The following ASCC3 variants were observed in gnomAD, a reference collection of about 807,000 sequenced individuals.
ASCC3 encodes ASC-1 complex subunit P200.
A neutral mutation model predicts 256.3 loss-of-function variants in ASCC3; 158 were observed. That is an observed-to-expected ratio of 0.62 (90% CI 0.54 to 0.70). ASCC3 has a LOEUF of 0.70. Among genes scored for constraint, ASCC3 ranks in the 30% least tolerant of loss-of-function variants. The pLI, the probability that ASCC3 is intolerant of heterozygous loss-of-function variation, is 0.00. For synonymous variants in ASCC3, 948 were observed against 883.4 expected (o/e 1.07, Z -1.30); for missense variants, 2,259 against 2,626.0 (o/e 0.86, Z 3.05).
chr6:100,877,122 A>G (rs1403654283), intron 1 of ASCC3, among the ~76,000 whole-genome samples: 4 of 152,202 alleles, frequency 2.6e-5, no homozygotes, highest in Non-Finnish European at 5.9e-5. Flanking sequence ...AAAGATAGTT[A>G]CTGTATTTTT....
At position 100,796,359 on chromosome 6, in the gene ASCC3, T is replaced by C. The variant is rs1769613655; in HGVS notation, c.1395+2354A>G. 2.0e-5 allele frequency among the ~76,000 whole-genome samples: 3 copies of C among 152,112 alleles called. No homozygotes were observed. In the South Asian group the frequency reaches 6.2e-4, roughly 31 times the overall value. Reference sequence around the variant, plus strand: ...ATTCCTGGACATTTATTAAACAGAATGAAAACTTATATTCACACAAAAATC... The same window carrying C: ...ATTCCTGGACATTTATTAAACAGAACGAAAACTTATATTCACACAAAAATC... On this transcript the variant is annotated intron_variant, in intron 8 of 41. Transcript: ENST00000369162.
At chr6:100,834,454 T>A (rs1292954904) in intron 4 of ASCC3, among the ~76,000 whole-genome samples, 2 of 152,152 alleles carry the variant, frequency 1.3e-5, no homozygotes, top group African/African-American at 4.8e-5. Flanking sequence ...ATTTAAAAAC[T>A]GGAAAACTGT....
chr6:100,798,779 A>C lies in ASCC3; in HGVS notation c.1329T>G (p.Ile443Met). ...TGAGTGGCATTGGTTCGCTGTAGGG[A>C]ATCCTTACTTCTTCATAAAGCTTGT... The part of the protein sequence containing the change: ...ENNKLYEEVR[I>M]PYSEPMPLSF... Residue 443 changes from isoleucine to methionine, a missense_variant, in exon 8 of 42, where the codon ATT (isoleucine) becomes ATG (methionine). Around this residue, in one of 2 missense-constraint regions of ASCC3, gnomAD observed 1,839 missense variants for 2,206.7 expected, o/e 0.83. Transcript: ENST00000369162. The C allele has an allele frequency of 6.2e-7, 1 of 1,613,102 alleles. No homozygotes were observed. Among genetic ancestry groups the C allele is most frequent in the South Asian group, 1.1e-5 (1 of 91,066 alleles).
At chr6:100,815,931 G>T (rs868694701) in intron 4 of ASCC3, among the ~76,000 whole-genome samples, 1 of 152,004 alleles carries the variant, frequency 6.6e-6, no homozygotes, top group Non-Finnish European at 1.5e-5. Flanking sequence ...TTAAAAGAGC[G>T]AGCTTCTGTA....
At chr6:100,858,748 A>T (rs1468598050) in intron 3 of ASCC3, 1 of 1,018,900 alleles carries the variant, frequency 9.8e-7, no homozygotes, top group Non-Finnish European at 1.2e-6. Flanking sequence ...GCTTCTCCTG[A>T]GATTTAGGAT....
chr6:100,549,391 GGAA>G (rs1408199736), intron 36 of ASCC3, among the ~76,000 whole-genome samples: 7 of 151,954 alleles, frequency 4.6e-5, no homozygotes, highest in African/African-American at 1.7e-4. Flanking sequence ...ACTATTTTAT[GGAA>G]GAACTATACG....
intron 37 of ASCC3, among the ~76,000 whole-genome samples, chr6:100,528,653 T>A (rs1375619788): frequency 6.6e-6 from 1 of 152,062 alleles, no homozygotes; most frequent in Non-Finnish European, 1.5e-5. Context: ...GAAAAAAAAA[T>A]ACTTGGGTGT....
intron 8 of ASCC3, among the ~76,000 whole-genome samples, chr6:100,783,278 T>C (rs1374759902): frequency 6.6e-6 from 1 of 152,166 alleles, no homozygotes. Flanking sequence ...ACATGGCTAG[T>C]TCCTCAAAGG....
intron 5 of ASCC3, among the ~76,000 whole-genome samples, chr6:100,805,380 G>A (rs909515559): frequency 3.9e-5 from 6 of 152,044 alleles, no homozygotes; most frequent in Non-Finnish European, 7.4e-5. Flanking sequence ...AGGGAGTAGG[G>A]AAAGGGCTAA....
chr6:100,653,030 T>C, intron 17 of ASCC3, 141 bp from the exon 18 acceptor site: 2 of 783,730 alleles, frequency 2.6e-6, no homozygotes, highest in Non-Finnish European at 4.0e-6. Flanking sequence ...TACATTTTTC[T>C]ACATTTAGGA....
chr6:100,877,678 T>G (rs1291868464), intron 1 of ASCC3, among the ~76,000 whole-genome samples: 1 of 152,116 alleles, frequency 6.6e-6, no homozygotes, highest in Non-Finnish European at 1.5e-5. Context: ...TACCAAACAC[T>G]GTAGGCCAAA....
chr6:100,520,317 CCTTG>C (rs933650761), intron 37 of ASCC3, among the ~76,000 whole-genome samples: 30 of 152,076 alleles, frequency 2.0e-4, no homozygotes, highest in African/African-American at 7.2e-4. Context: ...TCTGTCTGGT[CCTTG>C]CTTTTCACTC....
chr6:100,723,183 T>G (rs1779428026), intron 11 of ASCC3, among the ~76,000 whole-genome samples: 1 of 151,754 alleles, frequency 6.6e-6, no homozygotes, highest in Non-Finnish European at 1.5e-5. Flanking sequence ...TTTTTTCTAC[T>G]GTAAAATGTT....
intron 11 of ASCC3, among the ~76,000 whole-genome samples, chr6:100,722,245 T>C (rs1779376984): frequency 6.6e-6 from 1 of 151,866 alleles, no homozygotes; most frequent in African/African-American, 2.4e-5. Context: ...AGCTTTATAG[T>C]ATAGTTTGAA....
At chr6:100,770,949 T>A (rs1051043410) in intron 8 of ASCC3, among the ~76,000 whole-genome samples, 1 of 151,686 alleles carries the variant, frequency 6.6e-6, no homozygotes, top group Non-Finnish European at 1.5e-5. Flanking sequence ...GAAATTCATA[T>A]GGAAACACAC....
intron 13 of ASCC3, among the ~76,000 whole-genome samples, chr6:100,687,034 T>TCTCACACACACACACACACA (rs1459889611): frequency 8.4e-5 from 11 of 130,674 alleles, no homozygotes; most frequent in Admixed American, 8.0e-4. Context: ...TCTCTCTCTC[T>TCTCACACACACACACACACA]CACACACACA....
chr6:100,714,896 A>C (rs1779018844), intron 13 of ASCC3, among the ~76,000 whole-genome samples: 1 of 152,062 alleles, frequency 6.6e-6, no homozygotes, highest in Admixed American at 6.6e-5. Flanking sequence ...TGGGAAAAAA[A>C]GGTTTCACTA....
intron 10 of ASCC3, among the ~76,000 whole-genome samples, chr6:100,734,241 T>C (rs1780040481): frequency 6.6e-6 from 1 of 152,180 alleles, no homozygotes; most frequent in African/African-American, 2.4e-5. Context: ...CATATGCATA[T>C]TGGAAAACAC....
intron 32 of ASCC3, 147 bp downstream of exon 32, chr6:100,606,593 C>A: frequency 1.1e-6 from 1 of 876,644 alleles, no homozygotes; most frequent in Non-Finnish European, 1.6e-6. Context: ...TAACTGAAAA[C>A]AAAAAGTCTA....
Sources: gnomAD v4.1 joint callset for allele counts (sites outside exome capture counted in the v4.1 genomes callset) on GRCh38, gnomAD v4.1.1 for gene constraint, gnomAD v4.1.1 regional missense constraint, MANE v1.5 for transcripts, NCBI Gene and HGNC (gene_info 2026-07-23, HGNC 2026-07-21) for gene names.